The following VRK3 variants were observed in gnomAD, a reference collection of about 807,000 sequenced individuals.
VRK3 encodes VRK serine/threonine kinase 3.
Under a neutral mutation model 60.4 loss-of-function variants are expected in VRK3, and 50 were observed. That is an observed-to-expected ratio of 0.83 (90% CI 0.66 to 1.05). The LOEUF (loss-of-function observed/expected upper bound fraction) is 1.05, where lower values mean the gene tolerates loss of function less well. Among genes scored for constraint, VRK3 ranks in the 50% least tolerant of loss-of-function variants. VRK3 has a pLI of 0.00. For missense variants in VRK3, 549 were observed against 585.3 expected, an observed-to-expected ratio of 0.94 and a Z score of 0.64; for synonymous variants, 246 against 227.8, an observed-to-expected ratio of 1.08 and a Z score of -0.72.
chr19:49,998,482 A>G (rs1423749143), intron 6 of VRK3: 1 of 43,546 alleles, frequency 2.3e-5, no homozygotes, highest in East Asian at 4.0e-3. Context: ...TTTGTAGCAA[A>G]AAAAAAAAAA....
chr19:50,001,289 A>G (rs1201330985), intron 5 of VRK3: 2 of 167,948 alleles, frequency 1.2e-5, no homozygotes, highest in African/African-American at 4.8e-5. Context: ...AGCCCCGAGC[A>G]CTGAGCCTCT....
rs566058378 is a variant in VRK3, at chr19:50,004,352, T to C, written c.547+3217A>G. On this transcript the variant is annotated intron_variant, in intron 5 of 14. Coordinates refer to ENST00000316763, the MANE Select transcript of VRK3 (RefSeq NM_016440.4). ...TACTGTTGGTTTTCATCCTTCTCCCTTTCTCCTCCCTCTGTGCTCCTCGGC... is the reference window on the plus strand; with the variant it reads ...TACTGTTGGTTTTCATCCTTCTCCCCTTCTCCTCCCTCTGTGCTCCTCGGC... Among the ~76,000 whole-genome samples the C allele has an allele frequency of 2.0e-5, 3 of 151,860 alleles. No homozygotes were observed. In the East Asian group the frequency reaches 5.8e-4, roughly 30 times the overall value.
intron 5 of VRK3, among the ~76,000 whole-genome samples, chr19:50,002,628 T>C (rs8101592): frequency 0.018 from 2,699 of 152,324 alleles, 40 homozygotes; most frequent in Middle Eastern, 0.034. Flanking sequence ...GCTTTTCTCT[T>C]TCACTTTTCT....
chr19:49,986,261 A>G (rs2123049176), intron 12 of VRK3: 1 of 152,808 alleles, frequency 6.5e-6, no homozygotes, highest in East Asian at 1.9e-4. Context: ...AGTTAAAAAC[A>G]TAACATTGAG....
At chr19:50,012,549 G>A (rs1252466614) in intron 3 of VRK3, among the ~76,000 whole-genome samples, 1 of 152,230 alleles carries the variant, frequency 6.6e-6, no homozygotes, top group East Asian at 1.9e-4. Flanking sequence ...ATGACTGATG[G>A]AGTGAATAAT....
At chr19:49,979,296 C>A (rs1418323465) in intron 13 of VRK3, 54 bp from the exon 14 acceptor site, 1 of 1,612,194 alleles carries the variant, frequency 6.2e-7, no homozygotes, top group African/African-American at 1.3e-5. Flanking sequence ...TCCCCCAACC[C>A]CGATCCTGGG....
chr19:50,011,105 T>G (rs545711453), intron 3 of VRK3, among the ~76,000 whole-genome samples: 1 of 152,312 alleles, frequency 6.6e-6, no homozygotes, highest in Non-Finnish European at 1.5e-5. Context: ...TTGCAACTCC[T>G]GTACTGCTAA....
chr19:49,982,675 G>A (rs954328330), intron 12 of VRK3, among the ~76,000 whole-genome samples: 1 of 152,142 alleles, frequency 6.6e-6, no homozygotes, highest in Admixed American at 6.5e-5. Context: ...ATTGATTTGG[G>A]GTTACAACTA....
chr19:50,004,278 C>T (rs56229440), intron 5 of VRK3, among the ~76,000 whole-genome samples: 7,934 of 151,996 alleles, frequency 0.052, 690 homozygotes, highest in African/African-American at 0.18. Context: ...CTTCCTTCCC[C>T]GCCCTCCTGC....
In VRK3 at chr19:49,981,420, C is replaced by T. The variant is rs559209333; in HGVS notation, c.1218-407G>A. ...ACTAGCCGGGTGTGGTGGCGGGTGC[C>T]TGTGGTCCCAGCTACTCGGGAGGCT... On this transcript the variant is annotated intron_variant, in intron 12 of 14. Coordinates refer to ENST00000316763, the MANE Select transcript of VRK3 (RefSeq NM_016440.4). 2.0e-3 allele frequency among the ~76,000 whole-genome samples: 307 copies of T among 152,254 alleles called. 1 individual carries two copies. Among genetic ancestry groups the T allele is most frequent in the Non-Finnish European group, 3.4e-3 (230 of 68,018 alleles).
In VRK3 at chr19:49,988,402, T is replaced by A; in HGVS notation, c.1187A>T (p.Asn396Ile). 6.2e-7 allele frequency: 1 copy of A among 1,613,270 alleles called. No individual in the cohort carries two copies. Among genetic ancestry groups the A allele is most frequent in the South Asian group, 1.1e-5 (1 of 91,066 alleles). The change falls in exon 12 of 15, where the codon AAC becomes ATC. Residue 396 changes from asparagine (N) to isoleucine (I), a missense_variant. By Grantham distance (149) the Asn-to-Ile change is moderately radical (BLOSUM62 -3). Coordinates refer to ENST00000316763, the MANE Select transcript of VRK3 (RefSeq NM_016440.4). ...GFLPWTNCLP[N>I]TEDIMKQKQK... ...TTTTTGCTTCATGATGTCCTCAGTG[T>A]TGGGAAGGCAATTTGTCCATGGCAG...
chr19:50,017,155 T>C (rs1348638372), intron 2 of VRK3, among the ~76,000 whole-genome samples: 2 of 151,838 alleles, frequency 1.3e-5, no homozygotes, highest in Non-Finnish European at 2.9e-5. Context: ...GATCATGCCA[T>C]TGCACTCCAG....
chr19:50,019,774 T>G (rs531585632), intron 2 of VRK3, among the ~76,000 whole-genome samples: 51 of 140,022 alleles, frequency 3.6e-4, no homozygotes, highest in African/African-American at 1.3e-3. Flanking sequence ...GAGCTCAAGC[T>G]CAATCTTCCT....
At chr19:49,994,363 T>A (rs1286092195) in intron 9 of VRK3, among the ~76,000 whole-genome samples, 1 of 152,182 alleles carries the variant, frequency 6.6e-6, no homozygotes, top group Non-Finnish European at 1.5e-5. Flanking sequence ...ACCCAGCAAG[T>A]GCCTGATGAA....
intron 1 of VRK3, among the ~76,000 whole-genome samples, chr19:50,022,462 A>T (rs900826773): frequency 1.3e-5 from 2 of 152,142 alleles, no homozygotes; most frequent in African/African-American, 4.8e-5. Flanking sequence ...CTTAAAATCT[A>T]AGTCAGACCC....
Position 50,007,802 on chromosome 19 carries a change from G to C in VRK3, c.314C>G (p.Pro105Arg). ...CCTGGTCTTCTGAGGGCTGCTTTTGGGGGTTGGGGGTCTGCTCCCGGAGCC... is the reference window on the plus strand; with the variant it reads ...CCTGGTCTTCTGAGGGCTGCTTTTGCGGGTTGGGGGTCTGCTCCCGGAGCC... ...SKGSGSRPPTPKSSPQKTRKS... is the reference protein window; with the variant it reads ...SKGSGSRPPTRKSSPQKTRKS... The change falls in exon 5 of 15, where the codon CCC (proline) becomes CGC (arginine). Residue 105 changes from proline (P) to arginine (R), a missense_variant. Pro to Arg is a moderately radical substitution (Grantham distance 103). Coordinates refer to ENST00000316763, the MANE Select transcript of VRK3 (RefSeq NM_016440.4). The C allele has an allele frequency of 1.2e-6, 2 of 1,614,198 alleles. No individual in the cohort carries two copies. The highest frequency in any genetic ancestry group is 1.7e-6 in the Non-Finnish European group (2 of 1,180,040).
intron 12 of VRK3, chr19:49,986,807 C>T (rs80100211): frequency 0.02 from 3,120 of 152,282 alleles, 46 homozygotes; most frequent in Non-Finnish European, 0.029. Context: ...CTGATGGCTC[C>T]GGAGATATTC....
At chr19:50,017,296 C>T (rs969130863) in intron 2 of VRK3, among the ~76,000 whole-genome samples, 2 of 151,846 alleles carry the variant, frequency 1.3e-5, no homozygotes, top group Non-Finnish European at 2.9e-5. Flanking sequence ...AACTATTGGC[C>T]GGGCACGGTG....
intron 1 of VRK3, among the ~76,000 whole-genome samples, chr19:50,024,260 T>A (rs1349831831): frequency 2.0e-5 from 3 of 152,142 alleles, no homozygotes; most frequent in African/African-American, 7.2e-5. Context: ...TTTTAGAACC[T>A]ATTACATATT....
Sources: gnomAD v4.1 joint callset for allele counts (sites outside exome capture counted in the v4.1 genomes callset) on GRCh38, gnomAD v4.1.1 for gene constraint, MANE v1.5 for transcripts, NCBI Gene and HGNC (gene_info 2026-07-23, HGNC 2026-07-21) for gene names.